The following CALN1 variants were observed in gnomAD, a reference collection of about 807,000 sequenced individuals.
The protein encoded by CALN1 is calneuron 1, also known as calcium-binding protein 8.
Under a neutral mutation model 30.6 loss-of-function variants are expected in CALN1, and 17 were observed. That is an observed-to-expected ratio of 0.56 (90% CI 0.38 to 0.83). The LOEUF is 0.83. CALN1 is among the 40% of genes least tolerant of loss of function. The pLI, the probability that CALN1 is intolerant of heterozygous loss-of-function variation, is 0.00. For missense variants in CALN1, 291 were observed against 354.9 expected (o/e 0.82, Z 1.45); for synonymous variants, 156 against 131.4 (o/e 1.19, Z -1.28).
intron 1 of CALN1, among the ~76,000 whole-genome samples, chr7:72,435,403 G>A (rs1172356833): frequency 3.3e-5 from 5 of 152,216 alleles, no homozygotes; most frequent in Non-Finnish European, 7.3e-5. Context: ...TCTGTCTGAA[G>A]ACTAGAGACG....
At chr7:72,269,841 A>AT (rs1475952609) in intron 3 of CALN1, among the ~76,000 whole-genome samples, 1 of 152,256 alleles carries the variant, frequency 6.6e-6, no homozygotes, top group Non-Finnish European at 1.5e-5. Context: ...TAAAAAGTCC[A>AT]TAAAAACCAA....
intron 1 of CALN1, among the ~76,000 whole-genome samples, chr7:72,441,455 G>A (rs1423206556): frequency 6.6e-6 from 1 of 151,792 alleles, no homozygotes; most frequent in Admixed American, 6.6e-5. Context: ...AAAATTAGTC[G>A]GGCATGGTGA....
intron 3 of CALN1, among the ~76,000 whole-genome samples, chr7:72,192,793 TCCCTCCC>T (rs1292645245): frequency 9.0e-6 from 1 of 110,832 alleles, no homozygotes; most frequent in African/African-American, 3.5e-5. Context: ...CCCGATGCTA[TCCCTCCC>T]CCCTCCCCCC....
At chr7:72,100,877 A>G (rs1156362929) in intron 4 of CALN1, among the ~76,000 whole-genome samples, 4 of 151,562 alleles carry the variant, frequency 2.6e-5, no homozygotes, top group East Asian at 3.9e-4. Flanking sequence ...ATAACACTCT[A>G]CAAGAAAAAT....
At chr7:72,384,726 G>C (rs554475826) in intron 2 of CALN1, among the ~76,000 whole-genome samples, 1 of 152,132 alleles carries the variant, frequency 6.6e-6, no homozygotes, top group Non-Finnish European at 1.5e-5. Context: ...AGAAAACACA[G>C]GAGAAAGTAG....
intron 5 of CALN1, among the ~76,000 whole-genome samples, chr7:71,916,268 G>A (rs1283780636): frequency 1.3e-5 from 2 of 151,860 alleles, no homozygotes; most frequent in Non-Finnish European, 2.9e-5. Context: ...CTTAGTCCAG[G>A]AAGAGAGAGA....
intron 5 of CALN1, among the ~76,000 whole-genome samples, chr7:71,987,110 A>G (rs1393603672): frequency 4.0e-5 from 6 of 151,426 alleles, no homozygotes; most frequent in African/African-American, 1.5e-4. Flanking sequence ...TCGGTGACAG[A>G]GCGAAGCTTC....
chr7:71,977,876 G>A (rs1798177522), intron 5 of CALN1, among the ~76,000 whole-genome samples: 3 of 149,634 alleles, frequency 2.0e-5, no homozygotes, highest in African/African-American at 7.4e-5. Context: ...ACGTTGCAGT[G>A]AGCTGAGATT....
chr7:72,221,339 A>T (rs1793280805), intron 3 of CALN1, among the ~76,000 whole-genome samples: 1 of 98,570 alleles, frequency 1.0e-5, no homozygotes, highest in African/African-American at 4.2e-5. Context: ...TTTTTTTGAG[A>T]CGGGGTATCT....
the CALN1 span, among the ~76,000 whole-genome samples, chr7:72,464,394 C>A: frequency 6.6e-6 from 1 of 152,174 alleles, no homozygotes; most frequent in Non-Finnish European, 1.5e-5. Flanking sequence ...GACTTCAAAA[C>A]CTGTGTTAAT....
intron 5 of CALN1, among the ~76,000 whole-genome samples, chr7:72,005,111 T>C (rs1373143790): frequency 2.0e-5 from 3 of 152,238 alleles, no homozygotes; most frequent in African/African-American, 7.2e-5. Context: ...CATGCAGTTA[T>C]GATACCAACC....
chr7:72,228,114 T>G (rs868182693), intron 3 of CALN1, among the ~76,000 whole-genome samples: 2 of 152,046 alleles, frequency 1.3e-5, no homozygotes, highest in African/African-American at 4.8e-5. Context: ...TTCTTTGTCG[T>G]GGGAACTTCC....
the CALN1 span, among the ~76,000 whole-genome samples, chr7:72,499,841 CTT>C: frequency 2.7e-3 from 67 of 25,236 alleles, 1 homozygote; most frequent in Admixed American, 9.8e-3. Context: ...TTCTTTCTTT[CTT>C]TCTTTCTTTC....
At chr7:72,408,850 G>A (rs976267409) in intron 1 of CALN1, among the ~76,000 whole-genome samples, 2 of 151,462 alleles carry the variant, frequency 1.3e-5, no homozygotes, top group African/African-American at 2.4e-5. Flanking sequence ...GCTAATTTTT[G>A]TATTTTTTGT....
intron 2 of CALN1, among the ~76,000 whole-genome samples, chr7:72,364,735 A>T (rs1803780478): frequency 6.6e-6 from 1 of 152,242 alleles, no homozygotes; most frequent in South Asian, 2.1e-4. Flanking sequence ...AATTAGCTTG[A>T]TTTAATCATC....
intron 3 of CALN1, among the ~76,000 whole-genome samples, chr7:72,244,531 T>C (rs1795041140): frequency 6.6e-6 from 1 of 150,980 alleles, no homozygotes; most frequent in South Asian, 2.1e-4. Context: ...AAATGAGGAA[T>C]AAACCAAGTT....
chr7:72,205,575 T>TATATACATATATATATATATATACAC (rs1562733884), intron 3 of CALN1, among the ~76,000 whole-genome samples: 2 of 119,634 alleles, frequency 1.7e-5, no homozygotes, highest in African/African-American at 8.5e-5. Context: ...TATGTATATA[T>TATATACATATATATATATATATACAC]ATATATATAT....
intron 1 of CALN1, among the ~76,000 whole-genome samples, chr7:72,424,365 T>C (rs2129563778): frequency 6.6e-6 from 1 of 152,254 alleles, no homozygotes; most frequent in South Asian, 2.1e-4. Context: ...CATCTGGGGC[T>C]TTTACATTTT....
At chr7:72,242,828 C>T (rs546663804) in intron 3 of CALN1, among the ~76,000 whole-genome samples, 2 of 152,220 alleles carry the variant, frequency 1.3e-5, no homozygotes, top group East Asian at 1.9e-4. Context: ...GCAGAGATTG[C>T]AGTAAGCCAA....
Sources: allele counts gnomAD v4.1 joint callset (sites outside exome capture counted in the v4.1 genomes callset), GRCh38; gene constraint gnomAD v4.1.1; transcripts MANE v1.5; gene names NCBI Gene and HGNC (gene_info 2026-07-23, HGNC 2026-07-21).